The following FIP1L1 variants were observed in gnomAD, a reference collection of about 807,000 sequenced individuals.
FIP1L1 encodes the protein pre-mRNA 3'-end-processing factor FIP1.
In FIP1L1, 21 loss-of-function variants were observed where a neutral mutation model predicts 84.6. That is an observed-to-expected ratio of 0.25 (90% confidence interval 0.18 to 0.36). The LOEUF (loss-of-function observed/expected upper bound fraction) is 0.36. Ranked by LOEUF, FIP1L1 falls within the 10% of genes least tolerant of loss-of-function variation. The pLI, the probability that FIP1L1 is intolerant of heterozygous loss-of-function variation, is 1.00. For missense variants in FIP1L1, 526 were observed against 751.1 expected (o/e 0.70, Z 3.50); for synonymous variants, 263 against 242.3 (o/e 1.09, Z -0.80).
chr4:53,381,806 C>T (rs1462143009), intron 3 of FIP1L1, among the ~76,000 whole-genome samples: 2 of 133,332 alleles, frequency 1.5e-5, no homozygotes, highest in Non-Finnish European at 3.1e-5. Context: ...GTCGCCCAGG[C>T]TAGAGTGCAG....
rs778906365 is a variant in FIP1L1, at chr4:53,460,285, C to CAA, written c.*837_*838dup. 11 of 190,778 alleles carry CAA rather than the reference C, an allele frequency of 5.8e-5. No individual in the cohort carries two copies. The highest frequency in any genetic ancestry group is 2.5e-4 in the East Asian group (3 of 11,952). 11.8% of individuals were successfully genotyped at this position (190,778 alleles called of 1,614,324 possible). ...TAGCCATTTCTTACTAAAAACAAAA[C>CAA]AAGTTTATAATTAATTCTCTGAGCG... On this transcript the variant is annotated 3_prime_UTR_variant, in exon 18 of 18. Coordinates refer to ENST00000337488, the MANE Select transcript of FIP1L1 (RefSeq NM_030917.4).
chr4:53,431,845 T>C (rs569156990), intron 13 of FIP1L1, among the ~76,000 whole-genome samples: 1 of 152,264 alleles, frequency 6.6e-6, no homozygotes, highest in African/African-American at 2.4e-5. Context: ...ATAACTCTCA[T>C]TTGAAGGACT....
At chr4:53,439,367 G>T (rs1770890940) in intron 13 of FIP1L1, among the ~76,000 whole-genome samples, 1 of 152,006 alleles carries the variant, frequency 6.6e-6, no homozygotes, top group African/African-American at 2.4e-5. Flanking sequence ...TGTAAGTTTG[G>T]AATATGTTTT....
chr4:53,377,927 C>T lies in FIP1L1; in HGVS notation c.85+4C>T, dbSNP rs1735407949. 1.9e-6 allele frequency: 3 copies of T among 1,587,016 alleles called. No homozygotes were observed. The highest frequency in any genetic ancestry group is 2.6e-6 in the Non-Finnish European group (3 of 1,166,130). ...GAGGAAGAGTGGCTCTATGGCGGTA[C>T]GAAACTTCCTGTCTCTGTCTCTCGG... is the stretch of plus-strand genomic sequence containing the variant. On this transcript the variant is annotated splice_donor_region_variant and intron_variant, in intron 1 of 17. Transcript: ENST00000337488.
chr4:53,394,705 A>G (rs1746292761), intron 9 of FIP1L1, among the ~76,000 whole-genome samples: 1 of 151,682 alleles, frequency 6.6e-6, no homozygotes, highest in Non-Finnish European at 1.5e-5. Context: ...TTTTTTTCTT[A>G]TAGGTTGAAA....
intron 13 of FIP1L1, among the ~76,000 whole-genome samples, chr4:53,435,347 A>G (rs1318686221): frequency 1.7e-4 from 26 of 152,204 alleles, no homozygotes; most frequent in Admixed American, 1.6e-3. Context: ...TACATCATTG[A>G]CACCACATTT....
chr4:53,425,477 TAA>T (rs1763955481), intron 11 of FIP1L1, among the ~76,000 whole-genome samples: 1 of 152,104 alleles, frequency 6.6e-6, no homozygotes, highest in African/African-American at 2.4e-5. Flanking sequence ...GGGGAATATT[TAA>T]AGTTTCTGTA....
Position 53,428,200 on chromosome 4 carries a change from A to T in FIP1L1, c.1174+17A>T. ...CACCACCGGGTAAATAGTAAATAAG[A>T]CATTTGACTTTGAAAGAAAAATAGC... On this transcript the variant is annotated intron_variant, in intron 13 of 17. Transcript: ENST00000337488. The T allele has an allele frequency of 1.3e-6, 2 of 1,510,366 alleles. No homozygotes were observed. The highest frequency in any genetic ancestry group is 1.8e-6 in the Non-Finnish European group (2 of 1,122,606). 93.6% of individuals were successfully genotyped at this position (1,510,366 alleles called of 1,614,324 possible). A position where few individuals can be genotyped will look rare whatever the true frequency, so the allele number is the denominator to read the frequency against.
At chr4:53,424,347 G>A (rs1379442056) in intron 11 of FIP1L1, among the ~76,000 whole-genome samples, 1 of 151,962 alleles carries the variant, frequency 6.6e-6, no homozygotes, top group East Asian at 1.9e-4. Flanking sequence ...GGGAAGAAAT[G>A]GAAGCAATAT....
intron 10 of FIP1L1, among the ~76,000 whole-genome samples, chr4:53,404,278 G>C (rs1286980972): frequency 6.7e-6 from 1 of 149,972 alleles, no homozygotes; most frequent in Non-Finnish European, 1.5e-5. Flanking sequence ...TTTTGTTCTT[G>C]TGATAGTTTA....
intron 5 of FIP1L1, among the ~76,000 whole-genome samples, chr4:53,387,243 G>A (rs1197511940): frequency 6.6e-6 from 1 of 152,192 alleles, no homozygotes; most frequent in East Asian, 1.9e-4. Context: ...TAGGAGGATT[G>A]CTTGAGCCTT....
intron 9 of FIP1L1, among the ~76,000 whole-genome samples, chr4:53,393,770 C>A (rs76393642): frequency 4.0e-3 from 12 of 2,978 alleles, no homozygotes; most frequent in Non-Finnish European, 0.013. Flanking sequence ...CCCGGCCCCC[C>A]CCCCCCCCCC....
At position 53,390,613 on chromosome 4, in the gene FIP1L1, C is replaced by G. The variant is rs1743750296; in HGVS notation, c.490C>G (p.Pro164Ala). ...AGATTTGGATTCTTTTGAAGATAAA[C>G]CATGGCGTAAACCTGGTAAGATTAT... ...EVDLDSFEDK[P>A]WRKPGADLSD... Residue 164 changes from proline to alanine, a missense_variant, in exon 7 of 18, where the codon CCA becomes GCA. Pro to Ala is a conservative substitution (Grantham distance 27). This residue lies in a region of FIP1L1 where 169 missense variants were observed against 206.9 expected (regional missense o/e 0.82). Transcript: ENST00000337488. 2.5e-6 allele frequency: 4 copies of G among 1,604,772 alleles called. No homozygotes were observed. In the East Asian group the frequency reaches 8.9e-5, roughly 36 times the overall value.
At chr4:53,447,831 T>C (rs1331046675) in intron 15 of FIP1L1, among the ~76,000 whole-genome samples, 3 of 152,110 alleles carry the variant, frequency 2.0e-5, no homozygotes, top group Admixed American at 6.6e-5. Context: ...TTAATTTTAC[T>C]CTATTTTAAA....
intron 13 of FIP1L1, among the ~76,000 whole-genome samples, chr4:53,436,016 A>G (rs1441140144): frequency 6.6e-6 from 1 of 152,238 alleles, no homozygotes; most frequent in Non-Finnish European, 1.5e-5. Context: ...GATCAAGTTT[A>G]TCTGTTTCTT....
chr4:53,430,969 C>G (rs1165433103), intron 13 of FIP1L1, among the ~76,000 whole-genome samples: 1 of 152,170 alleles, frequency 6.6e-6, no homozygotes, highest in Non-Finnish European at 1.5e-5. Flanking sequence ...TTGAGACTCT[C>G]TGAATTGCTC....
At position 53,445,019 on chromosome 4, in the gene FIP1L1, G is replaced by A. The variant is rs537292906; in HGVS notation, c.1285+916G>A. ...GTCTCCTACTCCAGAGAAGTGGAAG[G>A]GTAGATAATTTGACTTCCAGGCTAT... is the stretch of plus-strand genomic sequence containing the variant. On this transcript the variant is annotated intron_variant, in intron 15 of 17. Transcript: ENST00000337488. Among the ~76,000 whole-genome samples, 6 of 152,246 alleles carry A rather than the reference G, an allele frequency of 3.9e-5. No homozygotes were observed. In the South Asian group the frequency reaches 1.2e-3, roughly 32 times the overall value.
chr4:53,415,020 C>T (rs1758855653), intron 11 of FIP1L1, among the ~76,000 whole-genome samples: 1 of 151,866 alleles, frequency 6.6e-6, no homozygotes, highest in Non-Finnish European at 1.5e-5. Context: ...TCTCATACCA[C>T]ATCGCATTTA....
intron 10 of FIP1L1, among the ~76,000 whole-genome samples, chr4:53,407,174 G>A (rs997024987): frequency 1.3e-5 from 2 of 151,958 alleles, no homozygotes; most frequent in African/African-American, 2.4e-5. Flanking sequence ...TCTACACACT[G>A]CTTTGAATGT....
Sources: allele counts gnomAD v4.1 joint callset (sites outside exome capture counted in the v4.1 genomes callset), GRCh38; gene constraint gnomAD v4.1.1; regional missense constraint gnomAD v4.1.1; transcripts MANE v1.5; gene names NCBI Gene and HGNC (gene_info 2026-07-23, HGNC 2026-07-21).